Variants in TAF3 observed in about 807,000 individuals in gnomAD.
TAF3 encodes TATA-box binding protein associated factor 3, also known as transcription initiation factor TFIID subunit 3.
Under a neutral mutation model 80.6 loss-of-function variants are expected in TAF3, and 7 were observed. The ratio of observed to expected loss-of-function variants is 0.09; its 90% CI spans 0.05 to 0.16. TAF3 has a LOEUF of 0.16. Ranked by LOEUF, TAF3 falls within the 10% of genes least tolerant of loss-of-function variation. The pLI, the probability that TAF3 is intolerant of heterozygous loss-of-function variation, is 1.00. For missense variants in TAF3, 921 were observed against 1,140.2 expected, an observed-to-expected ratio of 0.81 and a Z score of 2.77; for synonymous variants, 444 against 446.1, an observed-to-expected ratio of 1.00 and a Z score of 0.06.
At chr10:7,993,833 G>A (rs372752198) in intron 4 of TAF3, among the ~76,000 whole-genome samples, 2 of 149,648 alleles carry the variant, frequency 1.3e-5, no homozygotes, top group African/African-American at 2.5e-5. Flanking sequence ...GAACCTCAGC[G>A]ACCCTGAAAT....
intron 3 of TAF3, among the ~76,000 whole-genome samples, chr10:7,965,945 G>A (rs183346847): frequency 1.3e-5 from 2 of 152,256 alleles, no homozygotes; most frequent in African/African-American, 4.8e-5. Context: ...ACTAGCAGAT[G>A]TTAAAAATTC....
chr10:7,907,125 G>T (rs1396822887), intron 2 of TAF3, among the ~76,000 whole-genome samples: 1 of 152,182 alleles, frequency 6.6e-6, no homozygotes, highest in African/African-American at 2.4e-5. Context: ...TCAAAGCCAG[G>T]TCTGGCACAT....
rs572470210 is a variant in TAF3, at chr10:7,839,401, T to G, written c.409+14841T>G. On this transcript the variant is annotated intron_variant, in intron 2 of 6. Coordinates refer to ENST00000344293, the MANE Select transcript of TAF3 (RefSeq NM_031923.4). ...GGCAGAAAACCTATGGTCCTGCTAC[T>G]CTATGAGAGTTGAATTCAAGACATG... Among the ~76,000 whole-genome samples the G allele has an allele frequency of 2.0e-5, 3 of 152,344 alleles. No individual in the cohort carries two copies. In the East Asian group the frequency reaches 5.8e-4, roughly 29 times the overall value.
At position 7,897,153 on chromosome 10, in the gene TAF3, G is replaced by A. The variant is rs143153186; in HGVS notation, c.410-66767G>A. Among the ~76,000 whole-genome samples the A allele has an allele frequency of 9.9e-5, 15 of 152,266 alleles. No individual in the cohort carries two copies. In the East Asian group the frequency reaches 1.3e-3, roughly 14 times the overall value. On this transcript the variant is annotated intron_variant, in intron 2 of 6. Transcript: ENST00000344293. ...AGGTTCACGTGAAGAGATCAGGCCC[G>A]CTTGGCAAGTCTCGCTTGTGCATCA...
intron 3 of TAF3, among the ~76,000 whole-genome samples, chr10:7,976,529 C>G (rs1171956092): frequency 6.6e-6 from 1 of 152,054 alleles, no homozygotes; most frequent in Non-Finnish European, 1.5e-5. Context: ...ATTTTCCTGC[C>G]TCAGCCTCCT....
intron 2 of TAF3, among the ~76,000 whole-genome samples, chr10:7,863,721 A>G (rs908733398): frequency 6.3e-5 from 8 of 126,170 alleles, no homozygotes; most frequent in Admixed American, 1.7e-4. Flanking sequence ...ATATATATAC[A>G]CATATATATA....
intron 2 of TAF3, among the ~76,000 whole-genome samples, chr10:7,878,562 G>A (rs1225638316): frequency 1.3e-5 from 2 of 152,130 alleles, no homozygotes. Flanking sequence ...AACTTTGTAT[G>A]TGTTTATTAT....
At chr10:7,980,805 G>A (rs939075880) in intron 4 of TAF3, among the ~76,000 whole-genome samples, 20 of 152,276 alleles carry the variant, frequency 1.3e-4, no homozygotes, top group Non-Finnish European at 1.8e-4. Flanking sequence ...TGGGAGCAGG[G>A]TGAGTGTGAC....
intron 2 of TAF3, among the ~76,000 whole-genome samples, chr10:7,916,472 A>C (rs2065431): frequency 0.57 from 86,342 of 152,074 alleles, 25,992 homozygotes; most frequent in East Asian, 0.71. Flanking sequence ...AAAATATGTC[A>C]GTGTATCTGC....
rs753329147 is a variant in TAF3, at chr10:7,824,411, T to C, written c.260T>C (p.Ile87Thr). Residue 87 changes from isoleucine to threonine, a missense_variant, in exon 2 of 7, where the codon ATT becomes ACT. This residue lies in a region of TAF3 where 106 missense variants were observed against 191.8 expected (regional missense o/e 0.55). Coordinates refer to ENST00000344293, the MANE Select transcript of TAF3 (RefSeq NM_031923.4). ...GAACTAGAAGACTATATTCACAACA[T>C]TGAGCCTGTCACCTTCCCACACCAA... ...LHELEDYIHN[I>T]EPVTFPHQIP... 6.2e-6 allele frequency: 10 copies of C among 1,614,198 alleles called. No homozygotes were observed. The East Asian group carries it at 1.8e-4, about 29-fold the overall frequency.
intron 4 of TAF3, among the ~76,000 whole-genome samples, chr10:7,989,383 C>T (rs1445405606): frequency 6.6e-6 from 1 of 152,180 alleles, no homozygotes; most frequent in Non-Finnish European, 1.5e-5. Context: ...GAGCCTAGAC[C>T]TCTGGTATGC....
At position 7,988,559 on chromosome 10, in the gene TAF3, TGA is replaced by T. The variant is rs528373293; in HGVS notation, c.2315+11239_2315+11240del. ...TACATTTCAGACCTGGGCAACAGAG[TGA>T]GACCCTGTCTCAAAAAAAAAAAAAA... On this transcript the variant is annotated intron_variant, in intron 4 of 6. Transcript: ENST00000344293. 4.7e-4 allele frequency among the ~76,000 whole-genome samples: 51 copies of T among 109,038 alleles called. No homozygotes were observed. The South Asian group carries it at 0.014, about 31-fold the overall frequency. 71.5% of individuals were successfully genotyped at this position (109,038 alleles called of 152,430 possible).
chr10:8,005,529 A>G (rs998167540), intron 4 of TAF3, among the ~76,000 whole-genome samples: 2 of 152,172 alleles, frequency 1.3e-5, no homozygotes, highest in African/African-American at 2.4e-5. Context: ...GTTCTATTAC[A>G]CCTTCCACTT....
At chr10:7,941,383 A>G (rs1407736622) in intron 2 of TAF3, among the ~76,000 whole-genome samples, 2 of 152,262 alleles carry the variant, frequency 1.3e-5, no homozygotes, top group Non-Finnish European at 2.9e-5. Context: ...TTGTTGCTAG[A>G]TACAGGTCAG....
chr10:7,991,435 A>G (rs1382100005), intron 4 of TAF3, among the ~76,000 whole-genome samples: 3 of 152,200 alleles, frequency 2.0e-5, no homozygotes, highest in Non-Finnish European at 2.9e-5. Context: ...TATATTTTAC[A>G]GTTACTATTG....
rs72781101 is a variant in TAF3 at position 7,821,400 on chromosome 10, A to G, written c.166+2525A>G. On this transcript the variant is annotated intron_variant, in intron 1 of 6. Transcript: ENST00000344293. ...AACACTTACTGAGCATCACTTACGA[A>G]CCAACCCCTGTACTAGGCATTGGAG... Among the ~76,000 whole-genome samples the G allele has an allele frequency of 5.5e-3, 845 of 152,266 alleles. 8 individuals are homozygous for G. Among genetic ancestry groups the G allele is most frequent in the South Asian group, 0.024 (114 of 4,822 alleles).
intron 2 of TAF3, among the ~76,000 whole-genome samples, chr10:7,843,595 TA>T (rs1051970818): frequency 6.6e-6 from 1 of 151,904 alleles, no homozygotes; most frequent in Non-Finnish European, 1.5e-5. Context: ...GAAAAAAGTA[TA>T]ATAATATTTC....
At chr10:7,843,034 G>C (rs566593242) in intron 2 of TAF3, among the ~76,000 whole-genome samples, 2 of 152,316 alleles carry the variant, frequency 1.3e-5, no homozygotes, top group Non-Finnish European at 2.9e-5. Context: ...GTCTGTGTCT[G>C]TCTGGGGCTT....
Position 8,014,984 on chromosome 10 carries a change from C to A in TAF3, c.*233C>A, listed in dbSNP as rs1201369653. On this transcript the variant is annotated 3_prime_UTR_variant, in exon 7 of 7. Transcript: ENST00000344293. ...AAGGAAACTCAAGCAGAGGCGTGGC[C>A]TGGGGGCTGCCCCTCCTCCACTTCT... The A allele has an allele frequency of 5.1e-6, 2 of 394,522 alleles. No homozygotes were observed. The highest frequency in any genetic ancestry group is 9.3e-6 in the Non-Finnish European group (2 of 214,954). 24.4% of individuals were successfully genotyped at this position (394,522 alleles called of 1,614,324 possible). A position where few individuals can be genotyped will look rare whatever the true frequency, so the allele number is the denominator to read the frequency against.
Sources: gnomAD v4.1 joint callset for allele counts (sites outside exome capture counted in the v4.1 genomes callset) on GRCh38, gnomAD v4.1.1 for gene constraint, gnomAD v4.1.1 regional missense constraint, MANE v1.5 for transcripts, NCBI Gene and HGNC (gene_info 2026-07-23, HGNC 2026-07-21) for gene names.